The following TMEM272 variants were observed in gnomAD, a reference collection of about 807,000 sequenced individuals.
TMEM272 encodes the protein long intergenic non-protein coding RNA 282.
TMEM272 carries 8 observed loss-of-function variants against 3.7 expected under a neutral mutation model. That is an observed-to-expected ratio of 2.17 (90% CI 1.27 to 3.91). The LOEUF (loss-of-function observed/expected upper bound fraction) is 3.91, where lower values mean the gene tolerates loss of function less well. Ranked by LOEUF, TMEM272 falls within the 30% of genes most tolerant of loss-of-function variation. TMEM272 has a pLI of 0.00. For missense variants in TMEM272, 166 were observed against 91.5 expected (o/e 1.81, Z -3.32); for synonymous variants, 63 against 39.8 (o/e 1.58, Z -2.20).
At chr13:51,846,596 T>G (rs547942408), upstream of TMEM272, among the ~76,000 whole-genome samples, 1 of 152,350 alleles carries the variant, frequency 6.6e-6, no homozygotes, top group South Asian at 2.1e-4. Flanking sequence ...AGGTTAACTG[T>G]AAAAATGCCT....
At chr13:51,909,289 A>G in the TMEM272 span, 1 of 1,006,476 alleles carries the variant, frequency 9.9e-7, no homozygotes, top group Non-Finnish European at 1.6e-6. Context: ...CCTTGATAAA[A>G]AAGAATAGTT....
At chr13:51,823,203 T>C (rs1956094829) in intron 3 of TMEM272, among the ~76,000 whole-genome samples, 1 of 152,236 alleles carries the variant, frequency 6.6e-6, no homozygotes, top group Non-Finnish European at 1.5e-5. Flanking sequence ...CTCAGCCTCC[T>C]GAGTATCTGG....
chr13:51,816,959 A>T lies in TMEM272; in HGVS notation c.356T>A (p.Phe119Tyr). 1 of 703,094 alleles carries T rather than the reference A, an allele frequency of 1.4e-6. No homozygotes were observed. Among genetic ancestry groups the T allele is most frequent in the Non-Finnish European group, 2.6e-6 (1 of 385,014 alleles). The allele number at this position is 703,094 out of a possible 1,614,324, so 43.6% of individuals were successfully genotyped here. ...LLLSLFLFLW[F>Y]ILGNYWVFSV... is the part of the protein sequence containing the mutation. ...AAAGACCCAGTAGTTTCCCAGGATG[A>T]ACCAGAGGAAGAGGAAGAGGCTCAG... Residue 119 changes from phenylalanine (F) to tyrosine (Y), a missense_variant, in exon 5 of 5, where the codon TTC (phenylalanine) becomes TAC (tyrosine). Coordinates refer to ENST00000629372, the MANE Select transcript of TMEM272 (RefSeq NM_001351003.2).
At chr13:51,920,172 CTG>C in the TMEM272 span, among the ~76,000 whole-genome samples, 2 of 62,708 alleles carry the variant, frequency 3.2e-5, no homozygotes, top group Non-Finnish European at 6.1e-5. Context: ...GAGCTGCTGC[CTG>C]TATTTTGCGC....
At chr13:51,848,854 G>T (rs1208904207), upstream of TMEM272, among the ~76,000 whole-genome samples, 1 of 152,078 alleles carries the variant, frequency 6.6e-6, no homozygotes, top group Admixed American at 6.5e-5. Flanking sequence ...CTTTGCTTGT[G>T]TGTTATTCCC....
chr13:51,828,517 T>G (rs1482110718), intron 2 of TMEM272, among the ~76,000 whole-genome samples: 1 of 152,114 alleles, frequency 6.6e-6, no homozygotes, highest in Admixed American at 6.5e-5. Flanking sequence ...GGGGCAGGCA[T>G]GCAGAGTGAT....
chr13:51,911,372 C>T, the TMEM272 span, among the ~76,000 whole-genome samples: 1 of 152,186 alleles, frequency 6.6e-6, no homozygotes, highest in Non-Finnish European at 1.5e-5. Context: ...TAGTCTCATC[C>T]CCAGAAGATC....
chr13:51,902,139 A>G, the TMEM272 span, among the ~76,000 whole-genome samples: 1 of 152,250 alleles, frequency 6.6e-6, no homozygotes, highest in Non-Finnish European at 1.5e-5. Flanking sequence ...GCCAACGTGC[A>G]TTGGATGAAA....
At chr13:51,856,019 G>A in the TMEM272 span, among the ~76,000 whole-genome samples, 2 of 152,206 alleles carry the variant, frequency 1.3e-5, no homozygotes, top group Non-Finnish European at 2.9e-5. Flanking sequence ...AGCTATATGT[G>A]AGATGGAGTT....
intron 2 of TMEM272, among the ~76,000 whole-genome samples, chr13:51,837,540 A>T (rs962781804): frequency 6.6e-6 from 1 of 152,142 alleles, no homozygotes; most frequent in Non-Finnish European, 1.5e-5. Context: ...GGAGAATGAG[A>T]TGGGCACTGG....
chr13:51,915,407 T>A, the TMEM272 span, among the ~76,000 whole-genome samples: 1 of 152,262 alleles, frequency 6.6e-6, no homozygotes, highest in Non-Finnish European at 1.5e-5. Flanking sequence ...CAATGCATGA[T>A]GTGCTTAAAA....
At chr13:51,909,281 T>C in the TMEM272 span, 1 of 1,032,182 alleles carries the variant, frequency 9.7e-7, no homozygotes, top group Non-Finnish European at 1.5e-6. Context: ...TAATCTTCCC[T>C]TGATAAAAAA....
the TMEM272 span, among the ~76,000 whole-genome samples, chr13:51,912,007 C>T: frequency 6.6e-6 from 1 of 152,142 alleles, no homozygotes. Context: ...TGGCCACTCC[C>T]TCAAGGATCT....
chr13:51,838,660 G>A, intron 1 of TMEM272, 107 bp from the exon 2 acceptor site: 1 of 687,314 alleles, frequency 1.5e-6, no homozygotes, highest in South Asian at 1.5e-5. Flanking sequence ...GGTGGTCTCA[G>A]TCAGCCCGGG....
chr13:51,817,257 C>T, intron 4 of TMEM272, 144 bp from the exon 5 acceptor site: 1 of 587,582 alleles, frequency 1.7e-6, no homozygotes, highest in Non-Finnish European at 3.0e-6. Flanking sequence ...GTGAACAACA[C>T]ACTGGAGTTA....
intron 4 of TMEM272, among the ~76,000 whole-genome samples, chr13:51,819,164 C>T (rs1387787175): frequency 3.3e-5 from 5 of 152,104 alleles, no homozygotes; most frequent in Non-Finnish European, 7.4e-5. Context: ...ATACTTGGGA[C>T]CCCTATGCAC....
the TMEM272 span, among the ~76,000 whole-genome samples, chr13:51,884,587 C>A: frequency 1.3e-5 from 2 of 152,182 alleles, no homozygotes; most frequent in South Asian, 2.1e-4. Context: ...ACCCCTCCAC[C>A]TGACTTGGTC....
the TMEM272 span, among the ~76,000 whole-genome samples, chr13:51,923,474 G>C: frequency 4.1e-5 from 6 of 145,560 alleles, no homozygotes. Flanking sequence ...CACTGAGATC[G>C]GTTGAAAGCC....
chr13:51,920,336 C>T, the TMEM272 span, among the ~76,000 whole-genome samples: 1 of 152,136 alleles, frequency 6.6e-6, no homozygotes, highest in African/African-American at 2.4e-5. Context: ...GTAATTCAGC[C>T]AACGTGTATT....
Sources: allele counts gnomAD v4.1 joint callset (sites outside exome capture counted in the v4.1 genomes callset), GRCh38; gene constraint gnomAD v4.1.1; transcripts MANE v1.5; gene names NCBI Gene and HGNC (gene_info 2026-07-23, HGNC 2026-07-21).